The following SCD5 variants were observed in gnomAD, a reference collection of about 807,000 sequenced individuals.
SCD5 encodes the protein stearoyl-CoA desaturase 5, also known as acyl-CoA-desaturase 4.
In SCD5, 20 loss-of-function variants were observed where a neutral mutation model predicts 30.4. The ratio of observed to expected loss-of-function variants is 0.66; its 90% CI spans 0.46 to 0.96. The LOEUF is 0.96. SCD5 is among the 40% of genes least tolerant of loss of function. The pLI is 0.00. For synonymous variants in SCD5, 173 were observed against 176.4 expected, an observed-to-expected ratio of 0.98 and a Z score of 0.16; for missense variants, 381 against 443.3, an observed-to-expected ratio of 0.86 and a Z score of 1.26.
intron 1 of SCD5, among the ~76,000 whole-genome samples, chr4:82,724,949 C>G (rs557963390): frequency 1.2e-4 from 19 of 152,212 alleles, no homozygotes; most frequent in African/African-American, 4.6e-4. Context: ...TAATAAGAAA[C>G]AATTTTCACT....
chr4:82,724,837 G>A (rs535390655), intron 1 of SCD5, among the ~76,000 whole-genome samples: 2 of 152,310 alleles, frequency 1.3e-5, no homozygotes, highest in East Asian at 1.9e-4. Context: ...AGGAAGATAC[G>A]AACCTAGACA....
chr4:82,790,045 T>A (rs1722068458), intron 1 of SCD5, among the ~76,000 whole-genome samples: 1 of 152,010 alleles, frequency 6.6e-6, no homozygotes. Context: ...ATTCCAAGCC[T>A]CCCCTCAGCT....
chr4:82,797,495 C>T (rs1207165042), intron 1 of SCD5, among the ~76,000 whole-genome samples: 1 of 150,872 alleles, frequency 6.6e-6, no homozygotes, highest in Non-Finnish European at 1.5e-5. Flanking sequence ...GGTCGGCGCC[C>T]GGGCTCCCTT....
At chr4:82,760,794 T>A (rs1560555937) in intron 1 of SCD5, among the ~76,000 whole-genome samples, 5 of 152,216 alleles carry the variant, frequency 3.3e-5, no homozygotes. Context: ...CGCCACCTTG[T>A]ATGGCAATTC....
chr4:82,712,275 T>TACATATAC (rs1353739181), intron 1 of SCD5, among the ~76,000 whole-genome samples: 5 of 50,582 alleles, frequency 9.9e-5, no homozygotes, highest in Non-Finnish European at 1.7e-4. Context: ...TATATATATA[T>TACATATAC]ATATATATAT....
At chr4:82,704,622 T>C (rs1442662129) in intron 2 of SCD5, among the ~76,000 whole-genome samples, 1 of 152,244 alleles carries the variant, frequency 6.6e-6, no homozygotes, top group African/African-American at 2.4e-5. Context: ...AATGAAGTTT[T>C]GTTCTTATTT....
intron 1 of SCD5, among the ~76,000 whole-genome samples, chr4:82,737,570 A>C (rs1004645960): frequency 1.3e-5 from 2 of 152,178 alleles, no homozygotes; most frequent in African/African-American, 4.8e-5. Flanking sequence ...AATTTTCCTG[A>C]AGACAGCCTG....
intron 4 of SCD5, among the ~76,000 whole-genome samples, chr4:82,631,954 C>G (rs1311327784): frequency 1.3e-5 from 2 of 152,020 alleles, no homozygotes; most frequent in Non-Finnish European, 2.9e-5. Context: ...CTTTAAATAT[C>G]TAGAATGTAC....
chr4:82,699,331 T>C (rs972608018), intron 2 of SCD5, among the ~76,000 whole-genome samples: 3 of 152,200 alleles, frequency 2.0e-5, no homozygotes, highest in Admixed American at 2.0e-4. Context: ...ACTTTTCTGT[T>C]TTCTCGCCTA....
At chr4:82,753,477 A>C (rs1379789735) in intron 1 of SCD5, 1 of 483,396 alleles carries the variant, frequency 2.1e-6, no homozygotes, top group Non-Finnish European at 4.3e-6. Context: ...GTGGACTCTG[A>C]CAGTGATAGT....
chr4:82,705,052 T>G (rs1015169407), intron 2 of SCD5, among the ~76,000 whole-genome samples: 1 of 152,226 alleles, frequency 6.6e-6, no homozygotes, highest in African/African-American at 2.4e-5. Flanking sequence ...TAGAGGAGTC[T>G]CCTTTCCCCT....
At chr4:82,683,590 T>C (rs544560165) in intron 2 of SCD5, among the ~76,000 whole-genome samples, 1 of 152,354 alleles carries the variant, frequency 6.6e-6, no homozygotes, top group East Asian at 1.9e-4. Flanking sequence ...AAACTTTCTT[T>C]CATCTTGTTA....
chr4:82,734,391 C>A (rs1720703888), intron 1 of SCD5, among the ~76,000 whole-genome samples: 1 of 152,200 alleles, frequency 6.6e-6, no homozygotes, highest in African/African-American at 2.4e-5. Context: ...CTTTCTCCGA[C>A]ATCCACTCAA....
intron 1 of SCD5, among the ~76,000 whole-genome samples, chr4:82,793,453 T>C (rs1322850453): frequency 6.6e-6 from 1 of 152,178 alleles, no homozygotes. Context: ...CAGAAGGGAT[T>C]TGTGTTCATC....
intron 1 of SCD5, among the ~76,000 whole-genome samples, chr4:82,735,854 A>C (rs560652599): frequency 8.5e-5 from 13 of 152,194 alleles, no homozygotes; most frequent in Non-Finnish European, 1.8e-4. Context: ...TATTCATATC[A>C]ATTAGCCCGT....
chr4:82,652,224 A>T (rs13135867), intron 3 of SCD5, among the ~76,000 whole-genome samples: 27,995 of 152,154 alleles, frequency 0.18, 2,754 homozygotes, highest in East Asian at 0.37. Context: ...AGATAGGGTA[A>T]CTGTGGCCAT....
intron 3 of SCD5, among the ~76,000 whole-genome samples, chr4:82,669,043 A>G (rs981306960): frequency 1.3e-5 from 2 of 152,168 alleles, no homozygotes; most frequent in Non-Finnish European, 2.9e-5. Flanking sequence ...CTGAGAACAA[A>G]AAGAGACTCC....
intron 1 of SCD5, among the ~76,000 whole-genome samples, chr4:82,736,290 A>AAAAAC (rs1469895471): frequency 3.3e-5 from 5 of 151,750 alleles, no homozygotes; most frequent in Non-Finnish European, 7.4e-5. Flanking sequence ...CTGTCTAAGA[A>AAAAAC]AAAACAAAAC....
At position 82,719,489 on chromosome 4, in the gene SCD5, A is replaced by G. The variant is rs145418312; in HGVS notation, c.233-14076T>C. On this transcript the variant is annotated intron_variant, in intron 1 of 4. Transcript: ENST00000319540. ...ATTATAGTTGTCTTTATACCAATAC[A>G]GTTGTAAAATATGATTTTCTTTTTT... 1.8e-3 allele frequency among the ~76,000 whole-genome samples: 267 copies of G among 149,428 alleles called. 7 individuals carry two copies. Among genetic ancestry groups the G allele is most frequent in the African/African-American group, 6.5e-3 (256 of 39,606 alleles).
Sources: allele counts gnomAD v4.1 joint callset (sites outside exome capture counted in the v4.1 genomes callset), GRCh38; gene constraint gnomAD v4.1.1; transcripts MANE v1.5; gene names NCBI Gene and HGNC (gene_info 2026-07-23, HGNC 2026-07-21).